DNAH6: variants seen among roughly 807,000 people sequenced by gnomAD.
The protein encoded by DNAH6 is dynein axonemal heavy chain 6.
In DNAH6, 340 loss-of-function variants were observed where a neutral mutation model predicts 491.4. That is an observed-to-expected ratio of 0.69 (90% CI 0.63 to 0.76). The LOEUF is 0.76. Ranked by LOEUF, DNAH6 falls within the 30% of genes least tolerant of loss-of-function variation. The probability of loss-of-function intolerance (pLI) is 0.00; values close to 1 mark genes in which losing one functional copy is unlikely to be tolerated. For synonymous variants in DNAH6, 1,603 were observed against 1,686.1 expected (o/e 0.95, Z 1.21); for missense variants, 4,443 against 4,972.2 (o/e 0.89, Z 3.20).
chr2:84,673,723 G>T (rs995388772), intron 40 of DNAH6, among the ~76,000 whole-genome samples: 3 of 152,202 alleles, frequency 2.0e-5, no homozygotes, highest in Non-Finnish European at 2.9e-5. Context: ...CTGGGAGGAA[G>T]ATGTAGTCTG....
Position 84,784,828 on chromosome 2 carries a change from T to C in DNAH6, c.10953+18T>C. The C allele has an allele frequency of 6.7e-7, 1 of 1,487,792 alleles. No individual in the cohort carries two copies. Among genetic ancestry groups the C allele is most frequent in the East Asian group, 2.5e-5 (1 of 40,584 alleles). 92.2% of individuals were successfully genotyped at this position (1,487,792 alleles called of 1,614,324 possible). On this transcript the variant is annotated intron_variant, in intron 66 of 76. Transcript: ENST00000389394. ...CTGTCAAGGTAATGTATGCATATGGTTGGAACAATGTGAAATGGTTGGTTT... is the reference window on the plus strand; with the variant it reads ...CTGTCAAGGTAATGTATGCATATGGCTGGAACAATGTGAAATGGTTGGTTT...
chr2:84,634,576 G>A lies in DNAH6; in HGVS notation c.4588G>A (p.Asp1530Asn), dbSNP rs1173106337. Residue 1530 changes from aspartate to asparagine, a missense_variant, in exon 30 of 77, where the codon GAC becomes AAC. This residue lies in a region of DNAH6 where 2,977 missense variants were observed against 3,296.6 expected (regional missense o/e 0.90). Coordinates refer to ENST00000389394, the MANE Select transcript of DNAH6 (RefSeq NM_001370.2). ...WCCFDEFNRIDIEVLSVIAQQ... is the reference protein window; with the variant it reads ...WCCFDEFNRINIEVLSVIAQQ... ...CTGCTTTGATGAATTTAATCGAATT[G>A]ACATAGAAGTTCTGTCCGTCATCGC... is the stretch of plus-strand genomic sequence containing the variant. The A allele has an allele frequency of 2.6e-6, 4 of 1,550,470 alleles. No homozygotes were observed. Among genetic ancestry groups the A allele is most frequent in the Non-Finnish European group, 1.7e-6 (2 of 1,146,526 alleles).
chr2:84,486,813 T>C, the DNAH6 span, among the ~76,000 whole-genome samples: 1 of 152,184 alleles, frequency 6.6e-6, no homozygotes, highest in Non-Finnish European at 1.5e-5. Context: ...CAGAGGAAAC[T>C]GCTTCTACAA....
chr2:84,734,142 T>G (rs996471790), intron 62 of DNAH6, among the ~76,000 whole-genome samples: 7 of 149,104 alleles, frequency 4.7e-5, no homozygotes, highest in Non-Finnish European at 8.9e-5. Context: ...ATTCTAAAAC[T>G]ACACTTTTTT....
At chr2:84,659,503 C>T (rs1388438512) in intron 37 of DNAH6, among the ~76,000 whole-genome samples, 1 of 152,094 alleles carries the variant, frequency 6.6e-6, no homozygotes, top group East Asian at 1.9e-4. Flanking sequence ...AATGTACTTG[C>T]TATATATTCT....
chr2:84,495,930 A>G, the DNAH6 span, among the ~76,000 whole-genome samples: 1 of 152,188 alleles, frequency 6.6e-6, no homozygotes, highest in Non-Finnish European at 1.5e-5. Flanking sequence ...ACATGAATAC[A>G]ATTGTAAGCA....
At chr2:84,754,543 C>A (rs1204748391) in intron 63 of DNAH6, among the ~76,000 whole-genome samples, 1 of 152,212 alleles carries the variant, frequency 6.6e-6, no homozygotes, top group South Asian at 2.1e-4. Flanking sequence ...AAAGACTACT[C>A]CTTACCCATT....
chr2:84,650,999 A>G (rs1438014434), intron 33 of DNAH6, among the ~76,000 whole-genome samples: 1 of 152,170 alleles, frequency 6.6e-6, no homozygotes, highest in African/African-American at 2.4e-5. Context: ...AGCTTTATTG[A>G]TATCTGGTGG....
At position 84,681,368 on chromosome 2, in the gene DNAH6, T is replaced by G; in HGVS notation, c.6756T>G (p.Asn2252Lys). ...GTTTCTGGTTCTAGGCCATCTTAAA[T>G]GGTTTCCTGAGTGACTTTCCACCAG... is the stretch of plus-strand genomic sequence containing the variant. ...SLKQIFQAIL[N>K]GFLSDFPPAV... Residue 2252 changes from asparagine (N) to lysine (K), a missense_variant, in exon 42 of 77, where the codon AAT becomes AAG. This residue lies in a region of DNAH6 where 2,977 missense variants were observed against 3,296.6 expected (regional missense o/e 0.90). Transcript: ENST00000389394. 6.5e-7 allele frequency: 1 copy of G among 1,543,108 alleles called. No individual in the cohort carries two copies. The highest frequency in any genetic ancestry group is 8.7e-7 in the Non-Finnish European group (1 of 1,143,296).
chr2:84,744,961 G>A (rs1179745850), intron 62 of DNAH6, 119 bp from the exon 63 acceptor site: 1 of 623,224 alleles, frequency 1.6e-6, no homozygotes, highest in Non-Finnish European at 2.6e-6. Flanking sequence ...TGTATTTATA[G>A]TATACTTGTG....
chr2:84,790,936 A>G lies in DNAH6; in HGVS notation c.11239+3634A>G, dbSNP rs192251362. Among the ~76,000 whole-genome samples the G allele has an allele frequency of 1.0e-3, 154 of 152,324 alleles. 1 individual carries two copies. The highest frequency in any genetic ancestry group is 3.6e-3 in the African/African-American group (148 of 41,566). ...GCCGGGCGCAGTGGCTCACGCCTGT[A>G]ATCCCAGCACTTTGGGAGGCCCAGG... On this transcript the variant is annotated intron_variant, in intron 68 of 76. Transcript: ENST00000389394.
At chr2:84,505,918 A>G in the DNAH6 span, among the ~76,000 whole-genome samples, 2 of 152,184 alleles carry the variant, frequency 1.3e-5, no homozygotes, top group African/African-American at 2.4e-5. Context: ...ATAGTATTCC[A>G]TGGTGTGTAT....
chr2:84,684,409 T>G (rs1350823422), intron 42 of DNAH6, among the ~76,000 whole-genome samples: 2 of 152,228 alleles, frequency 1.3e-5, no homozygotes, highest in East Asian at 3.8e-4. Flanking sequence ...CACAGGAAAT[T>G]CCAATGTTGA....
At chr2:84,677,558 C>T (rs1401247014) in intron 41 of DNAH6, among the ~76,000 whole-genome samples, 1 of 152,198 alleles carries the variant, frequency 6.6e-6, no homozygotes, top group Non-Finnish European at 1.5e-5. Context: ...TCAAGCTCAA[C>T]ACACCTAAAA....
At chr2:84,789,464 C>A (rs1401909595) in intron 68 of DNAH6, among the ~76,000 whole-genome samples, 2 of 152,144 alleles carry the variant, frequency 1.3e-5, no homozygotes, top group Non-Finnish European at 2.9e-5. Context: ...AGAATTATAA[C>A]AGGAGATGGA....
At chr2:84,491,553 C>G in the DNAH6 span, among the ~76,000 whole-genome samples, 1 of 152,154 alleles carries the variant, frequency 6.6e-6, no homozygotes, top group Admixed American at 6.6e-5. Flanking sequence ...TCTGGGAGAG[C>G]TTTTACTTTT....
At chr2:84,652,072 A>G (rs1396380753) in intron 33 of DNAH6, among the ~76,000 whole-genome samples, 1 of 151,898 alleles carries the variant, frequency 6.6e-6, no homozygotes, top group African/African-American at 2.4e-5. Flanking sequence ...ATTTTTTCCT[A>G]ATTGTTTTCT....
intron 31 of DNAH6, among the ~76,000 whole-genome samples, chr2:84,639,745 A>G (rs1040658416): frequency 1.3e-5 from 2 of 152,062 alleles, no homozygotes; most frequent in East Asian, 3.9e-4. Context: ...TTAATCACCT[A>G]CTGTGTGCAG....
chr2:84,751,631 A>G (rs1673482636), intron 63 of DNAH6, among the ~76,000 whole-genome samples: 1 of 152,256 alleles, frequency 6.6e-6, no homozygotes, highest in Non-Finnish European at 1.5e-5. Flanking sequence ...GTTATTAGGA[A>G]TTTGAACTAG....
Sources: gnomAD v4.1 joint callset for allele counts (sites outside exome capture counted in the v4.1 genomes callset) on GRCh38, gnomAD v4.1.1 for gene constraint, gnomAD v4.1.1 regional missense constraint, MANE v1.5 for transcripts, NCBI Gene and HGNC (gene_info 2026-07-23, HGNC 2026-07-21) for gene names.